Variants in DUSP11 observed in about 807,000 individuals in gnomAD.
DUSP11 encodes RNA/RNP complex-1-interacting phosphatase.
In DUSP11, 27 loss-of-function variants were observed where a neutral mutation model predicts 41.4. The ratio of observed to expected loss-of-function variants is 0.65; its 90% confidence interval spans 0.48 to 0.90. The LOEUF (loss-of-function observed/expected upper bound fraction) is 0.90. Ranked by LOEUF, DUSP11 falls within the 40% of genes least tolerant of loss-of-function variation. DUSP11 has a pLI of 0.00. For synonymous variants in DUSP11, 188 were observed against 159.3 expected (o/e 1.18, Z -1.35); for missense variants, 465 against 461.1 (o/e 1.01, Z -0.08).
At chr2:73,773,631 G>T in intron 4 of DUSP11, 169 bp downstream of exon 4, 1 of 637,096 alleles carries the variant, frequency 1.6e-6, no homozygotes, top group Non-Finnish European at 2.6e-6. Flanking sequence ...TAAATTATTT[G>T]TGATCAACAA....
At chr2:73,778,759 C>T (rs1009647700) in intron 1 of DUSP11, among the ~76,000 whole-genome samples, 1 of 152,104 alleles carries the variant, frequency 6.6e-6, no homozygotes, top group Non-Finnish European at 1.5e-5. Context: ...AGTTTTCATA[C>T]GACTGATGCC....
intron 1 of DUSP11, among the ~76,000 whole-genome samples, chr2:73,779,127 G>A (rs1390993845): frequency 6.6e-6 from 1 of 152,186 alleles, no homozygotes; most frequent in African/African-American, 2.4e-5. Flanking sequence ...CTCCAGCCTG[G>A]CGGAGAAGAG....
chr2:73,764,596 AGCAGGT>A (rs1672422046), intron 8 of DUSP11, among the ~76,000 whole-genome samples: 2 of 152,258 alleles, frequency 1.3e-5, no homozygotes, highest in East Asian at 3.8e-4. Context: ...AAGATCACAA[AGCAGGT>A]GAGTAACAAA....
chr2:73,762,822 GGT>G lies in DUSP11; in HGVS notation c.971_972del (p.His324ProfsTer32). On this transcript the variant is annotated frameshift_variant, in exon 9 of 9. Transcript: ENST00000272444. LOFTEE classifies it low-confidence loss of function (END_TRUNC). ...CCAGGGGGACCAGGAGGAGGGAGAT[GGT>G]GTCTCTGGTAAACATGTGGATTCTC... The G allele has an allele frequency of 6.2e-7, 1 of 1,606,814 alleles. No individual in the cohort carries two copies. Among genetic ancestry groups the G allele is most frequent in the South Asian group, 1.1e-5 (1 of 89,834 alleles).
chr2:73,762,684 CTGGATAGGAGA>C lies in DUSP11; in HGVS notation c.1100_1110del (p.Leu367ArgfsTer31). 6.2e-7 allele frequency: 1 copy of C among 1,612,456 alleles called. No homozygotes were observed. Among genetic ancestry groups the C allele is most frequent in the Non-Finnish European group, 8.5e-7 (1 of 1,179,282 alleles). On this transcript the variant is annotated frameshift_variant, in exon 9 of 9. Coordinates refer to ENST00000272444, the Ensembl canonical transcript of DUSP11. LOFTEE classifies it high-confidence loss of function. Reference sequence around the variant, plus strand: ...TATCACTGGGTCCATTCCCAACAGGCTGGATAGGAGAGTCTGGAGTAATTATAAGGATACCA... The same window carrying C: ...TATCACTGGGTCCATTCCCAACAGGCGTCTGGAGTAATTATAAGGATACCA...
intron 4 of DUSP11, among the ~76,000 whole-genome samples, chr2:73,772,823 T>C (rs1192227061): frequency 6.6e-6 from 1 of 152,246 alleles, no homozygotes; most frequent in Non-Finnish European, 1.5e-5. Context: ...TCAAACCCAC[T>C]GATCCAGTCT....
chr2:73,774,780 T>C, intron 3 of DUSP11, 133 bp downstream of exon 3: 1 of 601,122 alleles, frequency 1.7e-6, no homozygotes, highest in Non-Finnish European at 2.7e-6. Context: ...AGAAATCACT[T>C]GGTTCTCTTT....
chr2:73,768,460 T>C (rs1672512425), intron 5 of DUSP11: 3 of 985,182 alleles, frequency 3.0e-6, no homozygotes, highest in African/African-American at 3.5e-5. Context: ...CTCAGTACAG[T>C]GTGGCAACAT....
At chr2:73,769,403 A>G (rs764949113) in intron 4 of DUSP11, 78 bp from the exon 5 acceptor site, 3 of 1,063,258 alleles carry the variant, frequency 2.8e-6, no homozygotes, top group African/African-American at 1.6e-5. Flanking sequence ...CTGAAAATGA[A>G]TAACTCTTAA....
At chr2:73,766,752 G>T in intron 7 of DUSP11, 76 bp downstream of exon 7, 1 of 1,386,534 alleles carries the variant, frequency 7.2e-7, no homozygotes, top group Admixed American at 1.8e-5. Flanking sequence ...CCAGAAGAAT[G>T]AACATATGCA....
At chr2:73,765,556 C>A (rs1672444476) in intron 8 of DUSP11, among the ~76,000 whole-genome samples, 1 of 151,634 alleles carries the variant, frequency 6.6e-6, no homozygotes, top group Admixed American at 6.6e-5. Flanking sequence ...ATCCACCCAC[C>A]CATCCACCCA....
chr2:73,777,950 C>T (rs1672714996), intron 2 of DUSP11, among the ~76,000 whole-genome samples: 1 of 152,088 alleles, frequency 6.6e-6, no homozygotes, highest in Non-Finnish European at 1.5e-5. Context: ...AGCAATACAA[C>T]CCACCTAGAT....
At chr2:73,767,952 T>G (rs1672502368) in intron 5 of DUSP11, 1 of 152,282 alleles carries the variant, frequency 6.6e-6, no homozygotes. Context: ...GGTTTTCTAT[T>G]GCTCTTAAGG....
chr2:73,766,514 A>C, exon 8 of DUSP11: 1 of 1,614,126 alleles, frequency 6.2e-7, no homozygotes, highest in East Asian at 2.2e-5. Context: ...TCCTTGTTTA[A>C]CAGGCTTATT....
exon 1 of DUSP11, chr2:73,779,880 G>C: frequency 6.2e-7 from 1 of 1,614,152 alleles, no homozygotes; most frequent in Non-Finnish European, 8.5e-7. Context: ...CTACCTTTCG[G>C]GGATGTGGTT....
chr2:73,776,600 C>T (rs558896850), intron 2 of DUSP11, among the ~76,000 whole-genome samples: 2 of 152,128 alleles, frequency 1.3e-5, no homozygotes, highest in African/African-American at 2.4e-5. Flanking sequence ...TCTGACACAT[C>T]GTTATCACCA....
chr2:73,772,347 T>G (rs1007662487), intron 4 of DUSP11, among the ~76,000 whole-genome samples: 2 of 152,058 alleles, frequency 1.3e-5, no homozygotes, highest in Admixed American at 1.3e-4. Context: ...CTGTTATCTG[T>G]GGGAAGGGAT....
chr2:73,762,690 AG>A lies in DUSP11; in HGVS notation c.1104del (p.Tyr369IlefsTer25), dbSNP rs769093589. 11 of 1,613,314 alleles carry A rather than the reference AG, an allele frequency of 6.8e-6. No homozygotes were observed. The highest frequency in any genetic ancestry group is 8.5e-6 in the Non-Finnish European group (10 of 1,179,662). On this transcript the variant is annotated frameshift_variant, in exon 9 of 9. Coordinates refer to ENST00000272444, the Ensembl canonical transcript of DUSP11. LOFTEE classifies it high-confidence loss of function. ...TGGGTCCATTCCCAACAGGCTGGAT[AG>A]GAGAGTCTGGAGTAATTATAAGGAT...
intron 8 of DUSP11, among the ~76,000 whole-genome samples, chr2:73,765,259 TG>T (rs1270691447): frequency 6.6e-6 from 1 of 152,190 alleles, no homozygotes; most frequent in Non-Finnish European, 1.5e-5. Context: ...CTCCTGGAGC[TG>T]GAATACCTTA....
Sources: allele counts gnomAD v4.1 joint callset (sites outside exome capture counted in the v4.1 genomes callset), GRCh38; gene constraint gnomAD v4.1.1; transcripts MANE v1.5; gene names NCBI Gene and HGNC (gene_info 2026-07-23, HGNC 2026-07-21).